The following PON3 variants were observed in gnomAD, a reference collection of about 807,000 sequenced individuals.
PON3 encodes paraoxonase 3.
Under a neutral mutation model 36.3 loss-of-function variants are expected in PON3, and 37 were observed. That is an observed-to-expected ratio of 1.02 (90% CI 0.78 to 1.34). The LOEUF (loss-of-function observed/expected upper bound fraction) is 1.34, where lower values mean the gene tolerates loss of function less well. Among genes scored for constraint, PON3 ranks in the 40% most tolerant of loss-of-function variants. The pLI is 0.00. For missense variants in PON3, 415 were observed against 426.5 expected, an observed-to-expected ratio of 0.97 and a Z score of 0.24; for synonymous variants, 155 against 154.8, an observed-to-expected ratio of 1.00 and a Z score of -0.01.
chr7:95,394,619 C>G, intron 2 of PON3, 25 bp downstream of exon 2: 1 of 1,603,146 alleles, frequency 6.2e-7, no homozygotes, highest in Non-Finnish European at 8.5e-7. Flanking sequence ...TGTGCTGGCT[C>G]CTCTTGGTAC....
At chr7:95,393,497 A>G (rs1809364225) in intron 2 of PON3, among the ~76,000 whole-genome samples, 1 of 152,160 alleles carries the variant, frequency 6.6e-6, no homozygotes, top group South Asian at 2.1e-4. Flanking sequence ...ATCTAGCCTG[A>G]TTTTATTTTA....
At chr7:95,385,685 C>A (rs1809173805) in intron 3 of PON3, among the ~76,000 whole-genome samples, 1 of 152,164 alleles carries the variant, frequency 6.6e-6, no homozygotes, top group Non-Finnish European at 1.5e-5. Context: ...CATTCCTTAG[C>A]AAATGCAAAA....
intron 3 of PON3, among the ~76,000 whole-genome samples, chr7:95,379,300 T>C (rs762040412): frequency 1.3e-5 from 2 of 152,240 alleles, no homozygotes; most frequent in Non-Finnish European, 2.9e-5. Context: ...TGGTGATTTC[T>C]GCATTTCCAA....
chr7:95,373,426 A>G (rs58254073), intron 3 of PON3, among the ~76,000 whole-genome samples: 4,240 of 152,190 alleles, frequency 0.028, 114 homozygotes, highest in African/African-American at 0.068. Context: ...ATGTTGTCTG[A>G]GGGAAACCTG....
In PON3 at chr7:95,387,079, A is replaced by G. The variant is rs192292711; in HGVS notation, c.201+3075T>C. Reference sequence around the variant, plus strand: ...CATTCCATTTGAAAACCTGCACAAGACAAGGATGCCCTCTCTCACCACTCC... The same window carrying G: ...CATTCCATTTGAAAACCTGCACAAGGCAAGGATGCCCTCTCTCACCACTCC... On this transcript the variant is annotated intron_variant, in intron 3 of 8. Transcript: ENST00000265627. Among the ~76,000 whole-genome samples the G allele has an allele frequency of 1.3e-4, 20 of 152,348 alleles. No individual in the cohort carries two copies. The East Asian group carries it at 3.5e-3, about 26-fold the overall frequency.
intron 3 of PON3, among the ~76,000 whole-genome samples, chr7:95,382,434 A>G (rs1480455488): frequency 6.6e-6 from 1 of 152,200 alleles, no homozygotes; most frequent in African/African-American, 2.4e-5. Context: ...TGAAAAGATC[A>G]ACAAAATTGA....
intron 8 of PON3, among the ~76,000 whole-genome samples, chr7:95,360,731 T>C (rs985687383): frequency 2.0e-5 from 3 of 152,216 alleles, no homozygotes; most frequent in Admixed American, 1.3e-4. Context: ...CCAAATAGGC[T>C]GGATGAAGTT....
intron 3 of PON3, among the ~76,000 whole-genome samples, chr7:95,376,913 C>T (rs890752563): frequency 1.2e-4 from 18 of 152,268 alleles, no homozygotes; most frequent in African/African-American, 4.3e-4. Context: ...TGGGTGCAGC[C>T]CATGGAGGGC....
intron 8 of PON3, among the ~76,000 whole-genome samples, chr7:95,360,722 C>A (rs1211995220): frequency 2.6e-5 from 4 of 152,044 alleles, no homozygotes; most frequent in Non-Finnish European, 5.9e-5. Flanking sequence ...CTCAGGCTTC[C>A]AAATAGGCTG....
At chr7:95,368,814 CA>C (rs11388951) in intron 4 of PON3, among the ~76,000 whole-genome samples, 497 of 133,034 alleles carry the variant, frequency 3.7e-3, no homozygotes, top group East Asian at 0.02. Context: ...CAAAAACAAA[CA>C]AAAAAAAAAA....
chr7:95,362,048 T>C (rs969298504), intron 8 of PON3, among the ~76,000 whole-genome samples: 2 of 152,172 alleles, frequency 1.3e-5, no homozygotes, highest in African/African-American at 4.8e-5. Flanking sequence ...TCTCTCTTTG[T>C]CTAACTGCAA....
At position 95,359,914 on chromosome 7, in the gene PON3, T is replaced by G; in HGVS notation, c.*59A>C. On this transcript the variant is annotated 3_prime_UTR_variant, in exon 9 of 9. Coordinates refer to ENST00000265627, the MANE Select transcript of PON3 (RefSeq NM_000940.3). Reference sequence around the variant, plus strand: ...CTTACAGTGCCACTTATCATACAATTATCAGTTTACTTTTACAAAATATGT... The same window carrying G: ...CTTACAGTGCCACTTATCATACAATGATCAGTTTACTTTTACAAAATATGT... 6.5e-7 allele frequency: 1 copy of G among 1,531,198 alleles called. No homozygotes were observed. The highest frequency in any genetic ancestry group is 8.9e-7 in the Non-Finnish European group (1 of 1,122,090). 94.9% of individuals were successfully genotyped at this position (1,531,198 alleles called of 1,614,324 possible).
intron 4 of PON3, among the ~76,000 whole-genome samples, chr7:95,367,767 T>G (rs1808731310): frequency 6.6e-6 from 1 of 152,204 alleles, no homozygotes; most frequent in Non-Finnish European, 1.5e-5. Context: ...ATGCATAACC[T>G]GTCTAACAGG....
intron 3 of PON3, among the ~76,000 whole-genome samples, chr7:95,387,090 C>T (rs899496442): frequency 1.3e-5 from 2 of 152,162 alleles, no homozygotes; most frequent in African/African-American, 4.8e-5. Context: ...CAAGGATGCC[C>T]TCTCTCACCA....
Position 95,372,321 on chromosome 7 carries a change from G to T in PON3, c.219C>A (p.Gly73=), listed in dbSNP as rs1466222335. ...AFISSGLKYP[G]MPNFAPDEPG... ...GTTCATCTGGCGCAAAGTTTGGCAT[G>T]CCTGGATATTTTAATCCCTTTTAAA... Residue 73 remains glycine, a synonymous_variant, in exon 4 of 9, where the codon GGC becomes GGA. Transcript: ENST00000265627. The T allele has an allele frequency of 6.2e-7, 1 of 1,613,746 alleles. No homozygotes were observed. The highest frequency in any genetic ancestry group is 1.3e-5 in the African/African-American group (1 of 74,910).
intron 4 of PON3, 49 bp downstream of exon 4, chr7:95,372,124 G>A (rs1392676644): frequency 1.3e-6 from 2 of 1,564,794 alleles, no homozygotes; most frequent in South Asian, 1.1e-5. Flanking sequence ...GAGATAAATG[G>A]TTTCTATTTC....
At chr7:95,383,212 A>G (rs1242037253) in intron 3 of PON3, among the ~76,000 whole-genome samples, 1 of 152,194 alleles carries the variant, frequency 6.6e-6, no homozygotes, top group African/African-American at 2.4e-5. Context: ...TCAAAATAAT[A>G]AGAGCTATCT....
intron 6 of PON3, chr7:95,363,649 T>A (rs1808626219): frequency 1.7e-6 from 1 of 596,930 alleles, no homozygotes. Flanking sequence ...TATCCTTAAG[T>A]CCACATCCCT....
In PON3 at chr7:95,363,988, C is replaced by G; in HGVS notation, c.570G>C (p.Leu190=). 1.9e-6 allele frequency: 3 copies of G among 1,613,828 alleles called. No individual in the cohort carries two copies. Among genetic ancestry groups the G allele is most frequent in the Non-Finnish European group, 2.5e-6 (3 of 1,179,800 alleles). ...GATCCAAGATCATCTCAAAAAATGA[C>G]AGGAGGGAGTTGGTAAAATAGTGGT... ...TRDHYFTNSL[L]SFFEMILDLR... is the part of the protein sequence containing the mutation. The change falls in exon 6 of 9, where the codon CTG becomes CTC. Residue 190 remains leucine (L), a synonymous_variant. Transcript: ENST00000265627.
Sources: gnomAD v4.1 joint callset for allele counts (sites outside exome capture counted in the v4.1 genomes callset) on GRCh38, gnomAD v4.1.1 for gene constraint, MANE v1.5 for transcripts, NCBI Gene and HGNC (gene_info 2026-07-23, HGNC 2026-07-21) for gene names.